Variants in ERICH3 observed in about 807,000 individuals in gnomAD.
ERICH3 encodes glutamate rich 3.
A neutral mutation model predicts 131.1 loss-of-function variants in ERICH3; 126 were observed. The observed-to-expected ratio is 0.96, with a 90% confidence interval of 0.83 to 1.11. ERICH3 has a LOEUF of 1.11. Ranked by LOEUF, ERICH3 falls within the 50% of genes most tolerant of loss-of-function variation. The pLI is 0.00. For missense variants in ERICH3, 2,050 were observed against 1,810.7 expected (o/e 1.13, Z -2.40); for synonymous variants, 695 against 644.6 (o/e 1.08, Z -1.18).
At chr1:74,643,409 AT>A (rs540182021) in intron 3 of ERICH3, among the ~76,000 whole-genome samples, 6 of 152,054 alleles carry the variant, frequency 3.9e-5, no homozygotes, top group East Asian at 1.9e-4. Flanking sequence ...TATCTGAAAG[AT>A]TTTTTTTCCT....
intron 1 of ERICH3, among the ~76,000 whole-genome samples, chr1:74,653,349 A>G (rs1289835118): frequency 6.6e-6 from 1 of 151,942 alleles, no homozygotes; most frequent in Non-Finnish European, 1.5e-5. Flanking sequence ...AGATGCACAC[A>G]CTAGATACAC....
chr1:74,632,505 C>T (rs1646349706), intron 6 of ERICH3, among the ~76,000 whole-genome samples: 1 of 151,822 alleles, frequency 6.6e-6, no homozygotes, highest in Non-Finnish European at 1.5e-5. Flanking sequence ...ATAAATCCTA[C>T]ACAGATAACT....
intron 6 of ERICH3, among the ~76,000 whole-genome samples, chr1:74,635,721 G>A (rs1646383288): frequency 6.6e-6 from 1 of 151,958 alleles, no homozygotes; most frequent in Non-Finnish European, 1.5e-5. Flanking sequence ...TTAAAATAAG[G>A]GAAAATTATC....
rs1033158476 is a variant in ERICH3 at position 74,593,363 on chromosome 1, C to T, written c.1727-3283G>A. 3.3e-5 allele frequency among the ~76,000 whole-genome samples: 5 copies of T among 152,040 alleles called. No homozygotes were observed. The East Asian group carries it at 5.8e-4, about 18-fold the overall frequency. On this transcript the variant is annotated intron_variant, in intron 11 of 14. Transcript: ENST00000326665. ...TAACATATTCTCCTGTACGACAAAC[C>T]CTGGTGTCCCAATCACAGCTCAGCT...
At chr1:74,597,195 C>A (rs529892640) in intron 11 of ERICH3, among the ~76,000 whole-genome samples, 61 of 152,106 alleles carry the variant, frequency 4.0e-4, no homozygotes, top group Middle Eastern at 3.4e-3. Context: ...TACTTGTTCG[C>A]TGGATAAAAT....
At chr1:74,593,460 GA>G (rs1647701563) in intron 11 of ERICH3, among the ~76,000 whole-genome samples, 2 of 152,054 alleles carry the variant, frequency 1.3e-5, no homozygotes, top group African/African-American at 4.8e-5. Flanking sequence ...GTAAAATGGG[GA>G]TAATTCTACT....
chr1:74,600,213 A>G (rs1001632992), intron 10 of ERICH3, among the ~76,000 whole-genome samples: 3 of 151,932 alleles, frequency 2.0e-5, no homozygotes, highest in Admixed American at 6.6e-5. Flanking sequence ...TAAAATAACC[A>G]AAATGGAAAG....
At chr1:74,633,176 T>G (rs191800041) in intron 6 of ERICH3, among the ~76,000 whole-genome samples, 1 of 151,794 alleles carries the variant, frequency 6.6e-6, no homozygotes, top group Non-Finnish European at 1.5e-5. Flanking sequence ...TCTCCAAATA[T>G]CTCTCATTGC....
chr1:74,572,969 T>C lies in ERICH3; in HGVS notation c.2741A>G (p.Glu914Gly), dbSNP rs772325957. 1 of 1,614,118 alleles carries C rather than the reference T, an allele frequency of 6.2e-7. No homozygotes were observed. The highest frequency in any genetic ancestry group is 8.5e-7 in the Non-Finnish European group (1 of 1,180,014). The part of the protein sequence containing the change: ...LANEAAALNL[E>G]HLHEVAALRE... Reference sequence around the variant, plus strand: ...CAGGGCTGCTACTTCATGAAGATGCTCCAAGTTCAGGGCTGCTGCTTCATT... The same window carrying C: ...CAGGGCTGCTACTTCATGAAGATGCCCCAAGTTCAGGGCTGCTGCTTCATT... Residue 914 changes from glutamate (E) to glycine (G), a missense_variant, in exon 14 of 15, where the codon GAG becomes GGG. Coordinates refer to ENST00000326665, the MANE Select transcript of ERICH3 (RefSeq NM_001002912.5).
chr1:74,671,033 C>T (rs535537147), intron 1 of ERICH3, among the ~76,000 whole-genome samples: 1 of 152,278 alleles, frequency 6.6e-6, no homozygotes, highest in South Asian at 2.1e-4. Context: ...AAAATCTCCG[C>T]CCTGGTAAAT....
chr1:74,667,405 G>C (rs1646702110), intron 1 of ERICH3, among the ~76,000 whole-genome samples: 1 of 152,098 alleles, frequency 6.6e-6, no homozygotes, highest in Non-Finnish European at 1.5e-5. Flanking sequence ...TATTTGTGTG[G>C]GGAAGCGAGT....
chr1:74,642,956 A>G (rs1364742260), intron 4 of ERICH3, 71 bp downstream of exon 4: 6 of 1,178,808 alleles, frequency 5.1e-6, no homozygotes, highest in East Asian at 2.5e-5. Flanking sequence ...AACTGGAATC[A>G]TAGTTTCACT....
intron 8 of ERICH3, among the ~76,000 whole-genome samples, chr1:74,613,771 G>A (rs1486498649): frequency 2.0e-5 from 3 of 152,094 alleles, no homozygotes; most frequent in Non-Finnish European, 4.4e-5. Flanking sequence ...CCCCACAGAC[G>A]TCCTAAACCC....
At position 74,569,670 on chromosome 1, in the gene ERICH3, CTAAATTAT is replaced by C. The variant is rs1383421772; in HGVS notation, c.*780_*787del. The C allele has an allele frequency of 6.6e-6, 1 of 152,026 alleles. No homozygotes were observed. The highest frequency in any genetic ancestry group is 1.5e-5 in the Non-Finnish European group (1 of 68,002). 9.4% of individuals were successfully genotyped at this position (152,026 alleles called of 1,614,324 possible). A position where few individuals can be genotyped will look rare whatever the true frequency, so the allele number is the denominator to read the frequency against. ...TAATTATTATACTTATTCCACTTAG[CTAAATTAT>C]TTACTACTTTTATTTAAATTTGAGT... On this transcript the variant is annotated 3_prime_UTR_variant, in exon 15 of 15. Transcript: ENST00000326665.
intron 1 of ERICH3, among the ~76,000 whole-genome samples, chr1:74,670,561 T>A (rs1646731951): frequency 1.3e-5 from 2 of 152,252 alleles, no homozygotes; most frequent in South Asian, 2.1e-4. Context: ...TATAATTTCT[T>A]ATGCCTGTCT....
intron 1 of ERICH3, among the ~76,000 whole-genome samples, chr1:74,653,395 G>A (rs1378319276): frequency 6.6e-6 from 1 of 151,688 alleles, no homozygotes; most frequent in Non-Finnish European, 1.5e-5. Flanking sequence ...CTGTGTCTGG[G>A]TATGTATGTG....
At chr1:74,669,035 T>A (rs1417185089) in intron 1 of ERICH3, among the ~76,000 whole-genome samples, 7 of 152,062 alleles carry the variant, frequency 4.6e-5, no homozygotes, top group African/African-American at 1.7e-4. Context: ...GGAAATAATG[T>A]GGTGGGTTTA....
chr1:74,667,647 T>C lies in ERICH3; in HGVS notation c.23+5850A>G, dbSNP rs532160816. On this transcript the variant is annotated intron_variant, in intron 1 of 14. Transcript: ENST00000326665. Reference sequence around the variant, plus strand: ...AAATTCAGAATTGAATCAGAAGTTTTATTTTCCCATCTCCCTAAAAACCTA... The same window carrying C: ...AAATTCAGAATTGAATCAGAAGTTTCATTTTCCCATCTCCCTAAAAACCTA... 1.7e-3 allele frequency among the ~76,000 whole-genome samples: 253 copies of C among 152,320 alleles called. 1 individual carries two copies. The highest frequency in any genetic ancestry group is 2.9e-3 in the Non-Finnish European group (198 of 68,026).
At chr1:74,638,803 C>T (rs1424667) in intron 5 of ERICH3, among the ~76,000 whole-genome samples, 64,269 of 151,898 alleles carry the variant, frequency 0.42, 14,687 homozygotes, top group Non-Finnish European at 0.52. Context: ...AATATCCAAA[C>T]GGCGATATAC....
Sources: allele counts gnomAD v4.1 joint callset (sites outside exome capture counted in the v4.1 genomes callset), GRCh38; gene constraint gnomAD v4.1.1; transcripts MANE v1.5; gene names NCBI Gene and HGNC (gene_info 2026-07-23, HGNC 2026-07-21).